Variants in BMP2K observed in about 807,000 individuals in gnomAD.
The protein encoded by BMP2K is BMP-2-inducible protein kinase.
A neutral mutation model predicts 116.0 loss-of-function variants in BMP2K; 74 were observed. The observed-to-expected ratio is 0.64, with a 90% CI of 0.53 to 0.77. The LOEUF is 0.77. Among genes scored for constraint, BMP2K ranks in the 30% least tolerant of loss-of-function variants. The probability of loss-of-function intolerance (pLI) is 0.00; values close to 1 mark genes in which losing one functional copy is unlikely to be tolerated. For synonymous variants in BMP2K, 486 were observed against 502.5 expected (o/e 0.97, Z 0.44); for missense variants, 1,365 against 1,403.6 (o/e 0.97, Z 0.44).
At chr4:78,783,590 G>A (rs765899265) in intron 1 of BMP2K, among the ~76,000 whole-genome samples, 5 of 152,200 alleles carry the variant, frequency 3.3e-5, no homozygotes, top group Non-Finnish European at 7.3e-5. Flanking sequence ...TAGATCACTT[G>A]AGGCCAGGAG....
Position 78,910,617 on chromosome 4 carries a change from T to G in BMP2K, c.2070T>G (p.Pro690=), listed in dbSNP as rs755407704. 3.9e-6 allele frequency: 6 copies of G among 1,533,152 alleles called. No homozygotes were observed. The highest frequency in any genetic ancestry group is 4.4e-6 in the Non-Finnish European group (5 of 1,146,228). The allele number at this position is 1,533,152 out of a possible 1,614,324, so 95.0% of individuals were successfully genotyped here. A position where few individuals can be genotyped will look rare whatever the true frequency, so the allele number is the denominator to read the frequency against. The change falls in exon 16 of 16, where the codon CCT becomes CCG. Residue 690 remains proline, a synonymous_variant. Coordinates refer to ENST00000502613, the MANE Select transcript of BMP2K (RefSeq NM_198892.2). ...ATTTATTTGAACTTGCAGGTTCTCC[T>G]GAAAAGAAAGCTGAACATTCATCTA... ...SVPFISHSGS[P]EKKAEHSSIN...
chr4:78,888,356 C>T (rs1733218691), intron 15 of BMP2K, among the ~76,000 whole-genome samples: 1 of 152,062 alleles, frequency 6.6e-6, no homozygotes, highest in South Asian at 2.1e-4. Context: ...CCCCCAATAC[C>T]CTGGGTAATG....
intron 1 of BMP2K, among the ~76,000 whole-genome samples, chr4:78,804,571 ATTTC>A (rs1560507098): frequency 6.6e-6 from 1 of 152,058 alleles, no homozygotes; most frequent in African/African-American, 2.4e-5. Flanking sequence ...AGGTTTTCCA[ATTTC>A]TTCATATCCT....
chr4:78,870,912 A>G lies in BMP2K; in HGVS notation c.1361A>G (p.Gln454Arg), dbSNP rs1732301287. ...GDWRLQQLHL[Q>R]HRHPHQQQQQ... ...TGGAGATTACAGCAACTCCATTTAC[A>G]GCATCGTCATCCTCACCAGCAGCAG... Residue 454 changes from glutamine (Q) to arginine (R), a missense_variant, in exon 11 of 16, where the codon CAG becomes CGG. Physicochemically the swap from Gln to Arg is conservative, Grantham distance 43. This residue lies in a region of BMP2K where 762 missense variants were observed against 756.7 expected (regional missense o/e 1.01). Coordinates refer to ENST00000502613, the MANE Select transcript of BMP2K (RefSeq NM_198892.2). 1.9e-6 allele frequency: 3 copies of G among 1,613,508 alleles called. No homozygotes were observed. Among genetic ancestry groups the G allele is most frequent in the Non-Finnish European group, 2.5e-6 (3 of 1,180,040 alleles).
In BMP2K at chr4:78,911,185, C is replaced by T; in HGVS notation, c.2638C>T (p.Leu880Phe). The T allele has an allele frequency of 6.2e-7, 1 of 1,613,734 alleles. No individual in the cohort carries two copies. The highest frequency in any genetic ancestry group is 8.5e-7 in the Non-Finnish European group (1 of 1,179,800). ...CCAGCAAGAAAAGAATGAAAAGAAC[C>T]TCCCTCAACACAGGTTTCCTGCTGC... ...QPQQEKNEKNLPQHRFPAAGL... is the reference protein window; with the variant it reads ...QPQQEKNEKNFPQHRFPAAGL... The change falls in exon 16 of 16, where the codon CTC (leucine) becomes TTC (phenylalanine). Residue 880 changes from leucine (L) to phenylalanine (F), a missense_variant. Transcript: ENST00000502613.
At position 78,914,826 on chromosome 4, in the gene BMP2K, T is replaced by TCAC. The variant is rs1734908815; in HGVS notation, c.*2794_*2796dup. On this transcript the variant is annotated 3_prime_UTR_variant, in exon 16 of 16. Transcript: ENST00000502613. ...TAACTAAACCTGTTATACTTGAACA[T>TCAC]CACTAAGAGAAGTAAATTATTATGA... The TCAC allele has an allele frequency of 6.6e-6, 1 of 151,716 alleles. No homozygotes were observed. The highest frequency in any genetic ancestry group is 2.4e-5 in the African/African-American group (1 of 41,334). The allele number at this position is 151,716 out of a possible 1,614,324, so 9.4% of individuals were successfully genotyped here. A position where few individuals can be genotyped will look rare whatever the true frequency, so the allele number is the denominator to read the frequency against.
intron 8 of BMP2K, chr4:78,860,160 A>G: frequency 1.5e-5 from 7 of 458,382 alleles, no homozygotes; most frequent in South Asian, 9.9e-5. Flanking sequence ...AGATATAGAC[A>G]GTGGAGTAAT....
At chr4:78,814,482 T>A (rs1293810795) in intron 1 of BMP2K, among the ~76,000 whole-genome samples, 4 of 152,240 alleles carry the variant, frequency 2.6e-5, no homozygotes, top group African/African-American at 9.6e-5. Flanking sequence ...AGTAATTTAA[T>A]CATGGGGGCA....
At chr4:78,904,581 A>C (rs192020367) in intron 15 of BMP2K, among the ~76,000 whole-genome samples, 116 of 152,050 alleles carry the variant, frequency 7.6e-4, no homozygotes, top group Admixed American at 1.8e-3. Context: ...CACTCACCTT[A>C]TTCTCAGAAT....
chr4:78,889,402 CTG>C (rs1484981955), intron 15 of BMP2K, among the ~76,000 whole-genome samples: 4 of 152,038 alleles, frequency 2.6e-5, no homozygotes, highest in Admixed American at 6.6e-5. Flanking sequence ...AAAGTGATCA[CTG>C]TGCAATATTA....
intron 15 of BMP2K, 170 bp downstream of exon 15, chr4:78,887,454 A>G (rs1216685356): frequency 5.0e-6 from 3 of 594,374 alleles, no homozygotes; most frequent in Non-Finnish European, 2.9e-6. Context: ...GCATTGAGTT[A>G]TTATTCAGTT....
intron 2 of BMP2K, among the ~76,000 whole-genome samples, chr4:78,826,851 C>T (rs1451322711): frequency 1.3e-5 from 2 of 151,918 alleles, no homozygotes; most frequent in African/African-American, 2.4e-5. Context: ...ATAGTAAACA[C>T]CAAGCTTGTT....
intron 7 of BMP2K, among the ~76,000 whole-genome samples, chr4:78,852,085 C>T (rs1433542557): frequency 6.6e-6 from 1 of 151,952 alleles, no homozygotes; most frequent in Non-Finnish European, 1.5e-5. Context: ...GAAATCTAGT[C>T]TGACTTGTGA....
At chr4:78,890,627 T>C (rs1733383939) in intron 15 of BMP2K, among the ~76,000 whole-genome samples, 1 of 152,228 alleles carries the variant, frequency 6.6e-6, no homozygotes, top group Non-Finnish European at 1.5e-5. Flanking sequence ...GCTTAGTTTT[T>C]TATGTACCCT....
chr4:78,829,791 TC>T (rs1577906325), intron 2 of BMP2K, among the ~76,000 whole-genome samples: 4,800 of 94,918 alleles, frequency 0.051, 289 homozygotes, highest in African/African-American at 0.18. Flanking sequence ...TTTTCTTTTC[TC>T]TTCTCTTCTC....
Position 78,872,771 on chromosome 4 carries a change from T to A in BMP2K, c.1766T>A (p.Ile589Lys). Residue 589 changes from isoleucine (I) to lysine (K), a missense_variant, in exon 13 of 16, where the codon ATA becomes AAA. Transcript: ENST00000502613. The stretch of plus-strand genomic sequence containing the variant: ...TCACTTCCAGCTCAGGTTGGAACCA[T>A]AATGGACTCCTCCTATAGTGCCAAT... ...TSSLPAQVGT[I>K]MDSSYSANRS... The A allele has an allele frequency of 6.2e-7, 1 of 1,614,110 alleles. No homozygotes were observed. The highest frequency in any genetic ancestry group is 8.5e-7 in the Non-Finnish European group (1 of 1,179,962).
chr4:78,806,643 A>G (rs1201047308), intron 1 of BMP2K, among the ~76,000 whole-genome samples: 1 of 152,170 alleles, frequency 6.6e-6, no homozygotes, highest in Non-Finnish European at 1.5e-5. Context: ...GTATCAACCA[A>G]AATTTAAAAA....
chr4:78,818,479 C>T (rs1729464424), intron 1 of BMP2K, among the ~76,000 whole-genome samples: 1 of 152,178 alleles, frequency 6.6e-6, no homozygotes, highest in Non-Finnish European at 1.5e-5. Flanking sequence ...GATGGTATCT[C>T]ATTGTGGTTT....
At chr4:78,810,434 CTT>C (rs1729031532) in intron 1 of BMP2K, among the ~76,000 whole-genome samples, 1 of 152,118 alleles carries the variant, frequency 6.6e-6, no homozygotes, top group Non-Finnish European at 1.5e-5. Flanking sequence ...TGGTCGACCT[CTT>C]TTTATCTGTA....
Sources: gnomAD v4.1 joint callset for allele counts (sites outside exome capture counted in the v4.1 genomes callset) on GRCh38, gnomAD v4.1.1 for gene constraint, gnomAD v4.1.1 regional missense constraint, MANE v1.5 for transcripts, NCBI Gene and HGNC (gene_info 2026-07-23, HGNC 2026-07-21) for gene names.